The following CCSER1 variants were observed in gnomAD, a reference collection of about 807,000 sequenced individuals.
CCSER1 encodes serine-rich coiled-coil domain-containing protein 1.
A neutral mutation model predicts 82.0 loss-of-function variants in CCSER1; 41 were observed. The ratio of observed to expected loss-of-function variants is 0.50; its 90% CI spans 0.39 to 0.65. The LOEUF (loss-of-function observed/expected upper bound fraction) is 0.65. CCSER1 is among the 30% of genes least tolerant of loss of function. CCSER1 has a pLI of 0.00. For synonymous variants in CCSER1, 414 were observed against 383.9 expected, an observed-to-expected ratio of 1.08 and a Z score of -0.92; for missense variants, 1,119 against 1,064.2, an observed-to-expected ratio of 1.05 and a Z score of -0.72.
At chr4:90,758,744 T>C (rs1420398966) in intron 7 of CCSER1, among the ~76,000 whole-genome samples, 3 of 152,116 alleles carry the variant, frequency 2.0e-5, no homozygotes, top group Admixed American at 1.3e-4. Flanking sequence ...CTGCAAAGAA[T>C]GATAAAATGA....
chr4:90,535,564 G>A (rs1222871315), intron 5 of CCSER1, among the ~76,000 whole-genome samples: 2 of 152,208 alleles, frequency 1.3e-5, no homozygotes, highest in African/African-American at 2.4e-5. Context: ...AGGTTGTGCA[G>A]TGCTCAAGGA....
chr4:90,861,926 A>ATATATTTTTT (rs1486179354), intron 8 of CCSER1, among the ~76,000 whole-genome samples: 8 of 125,684 alleles, frequency 6.4e-5, no homozygotes, highest in South Asian at 2.5e-4. Context: ...ATATATATAT[A>ATATATTTTTT]TTTTTTTTTT....
chr4:91,474,573 C>G (rs1161185926), intron 10 of CCSER1, among the ~76,000 whole-genome samples: 1 of 151,192 alleles, frequency 6.6e-6, no homozygotes. Context: ...AAGTCGCAAA[C>G]CAAGATTTGA....
intron 7 of CCSER1, among the ~76,000 whole-genome samples, chr4:90,797,140 A>G (rs990613879): frequency 1.6e-4 from 24 of 152,134 alleles, no homozygotes; most frequent in African/African-American, 5.6e-4. Context: ...GGTCTCCAAT[A>G]ACTTGATTTA....
At chr4:90,442,944 G>A (rs897264022) in intron 4 of CCSER1, among the ~76,000 whole-genome samples, 3 of 151,206 alleles carry the variant, frequency 2.0e-5, no homozygotes, top group Admixed American at 6.6e-5. Flanking sequence ...TTATCCTCAG[G>A]GATACATTCT....
chr4:91,349,388 C>G (rs72880813), intron 10 of CCSER1, among the ~76,000 whole-genome samples: 10,014 of 151,548 alleles, frequency 0.066, 1,095 homozygotes, highest in African/African-American at 0.23. Flanking sequence ...AATAAGGTCT[C>G]AGTCATGTAC....
At chr4:91,168,803 G>T (rs1421965654) in intron 10 of CCSER1, among the ~76,000 whole-genome samples, 2 of 152,082 alleles carry the variant, frequency 1.3e-5, no homozygotes, top group Non-Finnish European at 2.9e-5. Context: ...GATTGTTACT[G>T]TGTCTGTGTA....
intron 10 of CCSER1, among the ~76,000 whole-genome samples, chr4:91,099,922 A>C (rs1325497480): frequency 6.6e-6 from 1 of 152,162 alleles, no homozygotes; most frequent in African/African-American, 2.4e-5. Context: ...GCCAGGAAGA[A>C]AAAAAACTAG....
intron 9 of CCSER1, among the ~76,000 whole-genome samples, chr4:91,021,745 G>A (rs974645040): frequency 3.9e-5 from 6 of 152,002 alleles, no homozygotes; most frequent in African/African-American, 1.5e-4. Flanking sequence ...CATTAACCAC[G>A]AATTAATCAT....
intron 6 of CCSER1, among the ~76,000 whole-genome samples, chr4:90,640,054 T>G (rs1364837445): frequency 2.6e-5 from 4 of 152,102 alleles, no homozygotes; most frequent in Admixed American, 6.6e-5. Flanking sequence ...AAAATATTGC[T>G]TCAAGAAGGT....
intron 5 of CCSER1, among the ~76,000 whole-genome samples, chr4:90,554,484 A>C (rs1347782765): frequency 1.3e-5 from 2 of 152,242 alleles, no homozygotes; most frequent in African/African-American, 4.8e-5. Context: ...GAAATTAAAA[A>C]CACTATCATA....
intron 5 of CCSER1, among the ~76,000 whole-genome samples, chr4:90,614,045 C>T (rs559533420): frequency 1.1e-4 from 16 of 152,270 alleles, no homozygotes; most frequent in African/African-American, 3.6e-4. Flanking sequence ...GCAAGTCCAT[C>T]GGTGCTAGTT....
At chr4:91,179,840 C>A (rs954814200) in intron 10 of CCSER1, among the ~76,000 whole-genome samples, 12 of 152,218 alleles carry the variant, frequency 7.9e-5, no homozygotes, top group African/African-American at 2.9e-4. Context: ...TAGCCTTGTT[C>A]CATTGCTGGC....
chr4:90,357,943 C>G (rs977296051), intron 3 of CCSER1, among the ~76,000 whole-genome samples: 2 of 151,918 alleles, frequency 1.3e-5, no homozygotes, highest in Non-Finnish European at 2.9e-5. Flanking sequence ...ATAGTTACTC[C>G]TGTCCTTATT....
rs371219201 is a variant in CCSER1 at position 90,309,286 on chromosome 4, T to C, written c.1002T>C (p.Ser334=). 41 of 1,613,788 alleles carry C rather than the reference T, an allele frequency of 2.5e-5. No individual in the cohort carries two copies. The highest frequency in any genetic ancestry group is 3.3e-5 in the Non-Finnish European group (39 of 1,179,832). The change falls in exon 2 of 11, where the codon TCT becomes TCC. Residue 334 remains serine (S), a synonymous_variant. Transcript: ENST00000509176. The part of the protein sequence containing the change: ...YRLEGQCSTE[S]NSLPETSAAN... ...TAGAGGGTCAATGTAGCACTGAATC[T>C]AATTCATTACCGGAAACCTCTGCTG...
intron 6 of CCSER1, among the ~76,000 whole-genome samples, chr4:90,702,705 G>T (rs1417337210): frequency 6.6e-6 from 1 of 152,060 alleles, no homozygotes; most frequent in African/African-American, 2.4e-5. Flanking sequence ...TCTTGGGAGG[G>T]TGTATGTGTC....
rs186691001 is a variant in CCSER1, at chr4:91,382,783, C to T, written c.2218-215789C>T. 5.1e-3 allele frequency among the ~76,000 whole-genome samples: 777 copies of T among 152,166 alleles called. 9 individuals carry two copies. The highest frequency in any genetic ancestry group is 0.018 in the African/African-American group (736 of 41,542). On this transcript the variant is annotated intron_variant, in intron 10 of 10. Transcript: ENST00000509176. ...CTCAGTTAGAAATGCAGAAATCACC[C>T]GTCTTCTGCGTCGCTCATGCTGGGA...
chr4:90,764,024 G>A (rs940997827), intron 7 of CCSER1, among the ~76,000 whole-genome samples: 19 of 151,942 alleles, frequency 1.3e-4, no homozygotes, highest in African/African-American at 4.6e-4. Flanking sequence ...TGAGAGGAAA[G>A]AAGGAAAACA....
chr4:90,335,084 C>T (rs1213037983), intron 3 of CCSER1, among the ~76,000 whole-genome samples: 2 of 152,092 alleles, frequency 1.3e-5, no homozygotes, highest in African/African-American at 4.8e-5. Context: ...TTTGGTTTGG[C>T]TCCTGTGTGT....
Sources: gnomAD v4.1 joint callset for allele counts (sites outside exome capture counted in the v4.1 genomes callset) on GRCh38, gnomAD v4.1.1 for gene constraint, MANE v1.5 for transcripts, NCBI Gene and HGNC (gene_info 2026-07-23, HGNC 2026-07-21) for gene names.